LMO3: variants seen among roughly 807,000 people sequenced by gnomAD.
LMO3 encodes LIM domain only 3, also known as LIM domain only protein 3.
Under a neutral mutation model 15.8 loss-of-function variants are expected in LMO3, and 2 were observed. The ratio of observed to expected loss-of-function variants is 0.13; its 90% CI spans 0.05 to 0.40. The LOEUF is 0.40. Among genes scored for constraint, LMO3 ranks in the 10% least tolerant of loss-of-function variants. LMO3 has a pLI of 0.99. For synonymous variants in LMO3, 62 were observed against 63.8 expected (o/e 0.97, Z 0.13); for missense variants, 86 against 182.2 (o/e 0.47, Z 3.04).
intron 2 of LMO3, among the ~76,000 whole-genome samples, chr12:16,577,066 G>C (rs1943017491): frequency 6.6e-6 from 1 of 152,160 alleles, no homozygotes; most frequent in Non-Finnish European, 1.5e-5. Flanking sequence ...AGATGGTTTA[G>C]GTGCCAACAC....
chr12:16,604,513 CAA>C lies in LMO3; in HGVS notation c.-9+1551_-9+1552del, dbSNP rs1298327828. 4.0e-6 allele frequency: 1 copy of C among 249,926 alleles called. No homozygotes were observed. Among genetic ancestry groups the C allele is most frequent in the Non-Finnish European group, 7.7e-6 (1 of 129,912 alleles). The allele number at this position is 249,926 out of a possible 1,614,324, so 15.5% of individuals were successfully genotyped here. On this transcript the variant is annotated intron_variant, in intron 1 of 3. Coordinates refer to ENST00000537304, the MANE Select transcript of LMO3 (RefSeq NM_018640.5). This position sits in a 1 kb window ranked among gnomAD's most constrained non-coding sequence, Gnocchi z 5.3. Reference sequence around the variant, plus strand: ...AGTGCTAGTGCTTGGCAAAGGCCAACAAGAGATTTGCAAGACTGAGTTCAATT... The same window carrying C: ...AGTGCTAGTGCTTGGCAAAGGCCAACGAGATTTGCAAGACTGAGTTCAATT...
At chr12:16,571,264 G>A (rs983067484) in intron 2 of LMO3, among the ~76,000 whole-genome samples, 22 of 152,084 alleles carry the variant, frequency 1.4e-4, no homozygotes, top group Middle Eastern at 6.8e-3. Flanking sequence ...AGGATATTAC[G>A]TTACAAAGGC....
At chr12:16,605,047 G>A (rs1360305181) in intron 1 of LMO3, 35 of 1,511,644 alleles carry the variant, frequency 2.3e-5, no homozygotes, top group Non-Finnish European at 2.6e-5. Context: ...CTTTGGGAGC[G>A]GGTCGGAGTG....
intron 3 of LMO3, among the ~76,000 whole-genome samples, chr12:16,556,807 T>G (rs768422813): frequency 2.0e-5 from 3 of 152,120 alleles, no homozygotes; most frequent in Non-Finnish European, 2.9e-5. Flanking sequence ...TTAGCTGACT[T>G]CCCGCATTAG....
intron 2 of LMO3, among the ~76,000 whole-genome samples, chr12:16,563,711 G>C (rs1246857818): frequency 3.3e-5 from 5 of 152,192 alleles, no homozygotes; most frequent in African/African-American, 9.6e-5. Flanking sequence ...ACATCCTCTA[G>C]ATAAGAGGGC....
At chr12:16,568,592 CA>C (rs1207430158) in intron 2 of LMO3, among the ~76,000 whole-genome samples, 1 of 151,662 alleles carries the variant, frequency 6.6e-6, no homozygotes, top group Admixed American at 6.6e-5. Context: ...AAGCTTAGCA[CA>C]AAAAAGAAAA....
At chr12:16,608,846 C>G (rs1037183232), upstream of LMO3, 7 of 152,056 alleles carry the variant, frequency 4.6e-5, no homozygotes, top group Non-Finnish European at 1.0e-4. This position sits in a 1 kb window ranked among gnomAD's most constrained non-coding sequence, Gnocchi z 4.1. Flanking sequence ...TCATTTTCCC[C>G]TAAAATGTAA....
At chr12:16,563,494 A>AT (rs1168855068) in intron 2 of LMO3, among the ~76,000 whole-genome samples, 4 of 152,134 alleles carry the variant, frequency 2.6e-5, no homozygotes, top group Admixed American at 1.3e-4. Flanking sequence ...CCTTTGTAAG[A>AT]TTTTTTTTCA....
intron 2 of LMO3, among the ~76,000 whole-genome samples, chr12:16,568,717 CTTGGCTACT>C (rs1942704708): frequency 2.0e-5 from 3 of 152,262 alleles, no homozygotes; most frequent in South Asian, 4.1e-4. Context: ...AAACACTTTC[CTTGGCTACT>C]TTGGCTACTA....
chr12:16,609,965 G>C (rs1236726324), upstream of LMO3: 1 of 150,770 alleles, frequency 6.6e-6, no homozygotes, highest in East Asian at 2.0e-4. Context: ...TTGGGGGGAG[G>C]CAAAGGATAG....
Position 16,560,387 on chromosome 12 carries a change from T to G in LMO3, c.332+26A>C, listed in dbSNP as rs780429015. 1.9e-6 allele frequency: 3 copies of G among 1,606,488 alleles called. No homozygotes were observed. Among genetic ancestry groups the G allele is most frequent in the South Asian group, 2.2e-5 (2 of 89,316 alleles). On this transcript the variant is annotated intron_variant, in intron 3 of 3. Transcript: ENST00000537304. The surrounding 1 kb of genome is among the most constrained non-coding windows in gnomAD (Gnocchi z 5.0). The stretch of plus-strand genomic sequence containing the variant: ...CAGCACAGAGAGGTTAACCATTTCT[T>G]AGAGACCAAAAAGAGACCTGCTTAC...
rs1943745754 is a variant in LMO3, at chr12:16,599,148, A to T, written c.206+1507T>A. 1 of 153,050 alleles carries T rather than the reference A, an allele frequency of 6.5e-6. No individual in the cohort carries two copies. Among genetic ancestry groups the T allele is most frequent in the African/African-American group, 2.4e-5 (1 of 41,486 alleles). 9.5% of individuals were successfully genotyped at this position (153,050 alleles called of 1,614,324 possible). A position where few individuals can be genotyped will look rare whatever the true frequency, so the allele number is the denominator to read the frequency against. Reference sequence around the variant, plus strand: ...AGAGAAATTTTTATTTCAAAGAGGAAAGTTCAAAGACCGGAGAGTTCTAAA... The same window carrying T: ...AGAGAAATTTTTATTTCAAAGAGGATAGTTCAAAGACCGGAGAGTTCTAAA... On this transcript the variant is annotated intron_variant, in intron 2 of 3. Transcript: ENST00000537304. The surrounding 1 kb of genome is among the most constrained non-coding windows in gnomAD (Gnocchi z 4.1).
intron 2 of LMO3, among the ~76,000 whole-genome samples, chr12:16,594,991 G>A (rs922052536): frequency 6.6e-6 from 1 of 151,392 alleles, no homozygotes; most frequent in African/African-American, 2.4e-5. Flanking sequence ...TTTATAAAGT[G>A]CAAAATAAGC....
In LMO3 at chr12:16,560,563, T is replaced by C; in HGVS notation, c.207-25A>G. 1 of 1,601,194 alleles carries C rather than the reference T, an allele frequency of 6.2e-7. No homozygotes were observed. The highest frequency in any genetic ancestry group is 8.5e-7 in the Non-Finnish European group (1 of 1,174,774). ...CCTAGAATAAGAAACATTTTTTTTT[T>C]TTTACAAACTCTTACAGAGAAATCT... is the stretch of plus-strand genomic sequence containing the variant. On this transcript the variant is annotated intron_variant, in intron 2 of 3. Coordinates refer to ENST00000537304, the MANE Select transcript of LMO3 (RefSeq NM_018640.5). This position sits in a 1 kb window ranked among gnomAD's most constrained non-coding sequence, Gnocchi z 5.0.
In LMO3 at chr12:16,549,609, ATT is replaced by A; in HGVS notation, c.*1611_*1612del. The A allele has an allele frequency of 6.6e-6, 1 of 152,604 alleles. No homozygotes were observed. The highest frequency in any genetic ancestry group is 2.4e-5 in the African/African-American group (1 of 41,550). 9.5% of individuals were successfully genotyped at this position (152,604 alleles called of 1,614,324 possible). On this transcript the variant is annotated 3_prime_UTR_variant, in exon 4 of 4. Transcript: ENST00000537304. ...ATATATGCAAATAACACTGGAAAAT[ATT>A]GTTTCCTATACAAGTGATCAAGAAA...
At position 16,548,507 on chromosome 12, in the gene LMO3, G is replaced by A. The variant is rs1275591265; in HGVS notation, c.*2715C>T. On this transcript the variant is annotated 3_prime_UTR_variant, in exon 4 of 4. Coordinates refer to ENST00000537304, the MANE Select transcript of LMO3 (RefSeq NM_018640.5). The surrounding 1 kb of genome is among the most constrained non-coding windows in gnomAD (Gnocchi z 4.2). ...CAACTTTTAAACTCAGCACTCTGTT[G>A]GAGTGGAGGTGCACGGTCCTTCATC... is the stretch of plus-strand genomic sequence containing the variant. 6.6e-6 allele frequency: 1 copy of A among 152,154 alleles called. No homozygotes were observed. Among genetic ancestry groups the A allele is most frequent in the African/African-American group, 2.4e-5 (1 of 41,434 alleles). 9.4% of individuals were successfully genotyped at this position (152,154 alleles called of 1,614,324 possible). A position where few individuals can be genotyped will look rare whatever the true frequency, so the allele number is the denominator to read the frequency against.
At position 16,549,873 on chromosome 12, in the gene LMO3, C is replaced by T. The variant is rs947877339; in HGVS notation, c.*1349G>A. 6 of 151,906 alleles carry T rather than the reference C, an allele frequency of 3.9e-5. No individual in the cohort carries two copies. Among genetic ancestry groups the T allele is most frequent in the African/African-American group, 1.2e-4 (5 of 41,366 alleles). 9.4% of individuals were successfully genotyped at this position (151,906 alleles called of 1,614,324 possible). A position where few individuals can be genotyped will look rare whatever the true frequency, so the allele number is the denominator to read the frequency against. ...GAGCTTTCTTCTTTGTATGCTATCACGTAAGGTAGTACTATTTCACCTTAA... is the reference window on the plus strand; with the variant it reads ...GAGCTTTCTTCTTTGTATGCTATCATGTAAGGTAGTACTATTTCACCTTAA... On this transcript the variant is annotated 3_prime_UTR_variant, in exon 4 of 4. Transcript: ENST00000537304.
chr12:16,582,818 T>A lies in LMO3; in HGVS notation c.206+17837A>T. Among the ~76,000 whole-genome samples, 1 of 151,934 alleles carries A rather than the reference T, an allele frequency of 6.6e-6. No individual in the cohort carries two copies. The highest frequency in any genetic ancestry group is 2.1e-4 in the South Asian group (1 of 4,822). ...ATCCCAGCACTTTGGGAGGCCAAAT[T>A]GAGTGGATCACCTGAGGTCAGGAGT... is the stretch of plus-strand genomic sequence containing the variant. On this transcript the variant is annotated intron_variant, in intron 2 of 3. Coordinates refer to ENST00000537304, the MANE Select transcript of LMO3 (RefSeq NM_018640.5). The surrounding 1 kb of genome is among the most constrained non-coding windows in gnomAD (Gnocchi z 4.1).
rs897921942 is a variant in LMO3, at chr12:16,559,660, A to G, written c.332+753T>C. On this transcript the variant is annotated intron_variant, in intron 3 of 3. Coordinates refer to ENST00000537304, the MANE Select transcript of LMO3 (RefSeq NM_018640.5). The surrounding 1 kb of genome is among the most constrained non-coding windows in gnomAD (Gnocchi z 4.1). ...GACAGGGTTAAAATTTAAGGTAAAC[A>G]GCTAGATTGGGTGGGGGTGGTGGCT... is the stretch of plus-strand genomic sequence containing the variant. Among the ~76,000 whole-genome samples, 2 of 152,132 alleles carry G rather than the reference A, an allele frequency of 1.3e-5. No homozygotes were observed. Among genetic ancestry groups the G allele is most frequent in the African/African-American group, 4.8e-5 (2 of 41,432 alleles).
Sources: allele counts gnomAD v4.1 joint callset (sites outside exome capture counted in the v4.1 genomes callset), GRCh38; gene constraint gnomAD v4.1.1; non-coding constraint Gnocchi (gnomAD v3.1); transcripts MANE v1.5; gene names NCBI Gene and HGNC (gene_info 2026-07-23, HGNC 2026-07-21).